AGBL4: variants seen among roughly 807,000 people sequenced by gnomAD.
AGBL4 encodes cytosolic carboxypeptidase 6.
A neutral mutation model predicts 66.4 loss-of-function variants in AGBL4; 58 were observed. The ratio of observed to expected loss-of-function variants is 0.87; its 90% CI spans 0.71 to 1.09. AGBL4 has a LOEUF of 1.09. AGBL4 is among the 50% of genes least tolerant of loss of function. AGBL4 has a pLI of 0.00. For missense variants in AGBL4, 579 were observed against 631.0 expected (o/e 0.92, Z 0.88); for synonymous variants, 234 against 222.9 (o/e 1.05, Z -0.44).
chr1:49,752,456 C>A (rs997319765), intron 2 of AGBL4, among the ~76,000 whole-genome samples: 2 of 151,690 alleles, frequency 1.3e-5, no homozygotes, highest in Non-Finnish European at 1.5e-5. Context: ...CTTATGATTT[C>A]TTTTGCATAT....
chr1:49,424,678 T>C (rs1645619149), intron 3 of AGBL4, among the ~76,000 whole-genome samples: 1 of 152,222 alleles, frequency 6.6e-6, no homozygotes, highest in African/African-American at 2.4e-5. Flanking sequence ...TGTATTCTTC[T>C]GTACCTGGTG....
chr1:49,756,774 G>A (rs1287153469), intron 2 of AGBL4, among the ~76,000 whole-genome samples: 1 of 152,186 alleles, frequency 6.6e-6, no homozygotes, highest in Non-Finnish European at 1.5e-5. Flanking sequence ...ATGTGAAGAA[G>A]GATATGTTTG....
chr1:49,935,585 C>G (rs1278785516), intron 1 of AGBL4, among the ~76,000 whole-genome samples: 2 of 152,162 alleles, frequency 1.3e-5, no homozygotes, highest in Admixed American at 6.5e-5. Flanking sequence ...GAGGCACCCC[C>G]CCAGTAGGGG....
chr1:49,798,648 T>C (rs1278643640), intron 2 of AGBL4, among the ~76,000 whole-genome samples: 1 of 152,162 alleles, frequency 6.6e-6, no homozygotes, highest in East Asian at 1.9e-4. Context: ...GTTCCTTTTA[T>C]TTAAGTTCTT....
chr1:49,553,348 C>T (rs986109444), intron 3 of AGBL4, among the ~76,000 whole-genome samples: 1 of 152,168 alleles, frequency 6.6e-6, no homozygotes, highest in Non-Finnish European at 1.5e-5. Flanking sequence ...ATCCTAAACT[C>T]ACAGGAAACC....
At chr1:48,588,173 C>A (rs1247159612) in intron 10 of AGBL4, among the ~76,000 whole-genome samples, 1 of 152,086 alleles carries the variant, frequency 6.6e-6, no homozygotes, top group Non-Finnish European at 1.5e-5. Flanking sequence ...AAATCTGAAT[C>A]CAGAACTAAG....
At chr1:49,947,682 A>G (rs1272994369) in intron 1 of AGBL4, among the ~76,000 whole-genome samples, 1 of 151,518 alleles carries the variant, frequency 6.6e-6, no homozygotes, top group Non-Finnish European at 1.5e-5. Context: ...TAGTACTGGA[A>G]GTCCTACCAG....
chr1:48,602,603 A>G (rs1645089575), intron 9 of AGBL4, among the ~76,000 whole-genome samples: 1 of 152,170 alleles, frequency 6.6e-6, no homozygotes, highest in Non-Finnish European at 1.5e-5. Flanking sequence ...CAGAGTGCAC[A>G]TCACTACTTT....
At chr1:49,269,074 G>A (rs899080291) in intron 3 of AGBL4, 1 of 152,120 alleles carries the variant, frequency 6.6e-6, no homozygotes, top group African/African-American at 2.4e-5. Flanking sequence ...ATCAGCATTT[G>A]ATCAAATCTA....
chr1:49,056,472 A>G (rs1008060828), intron 4 of AGBL4, among the ~76,000 whole-genome samples: 1 of 152,160 alleles, frequency 6.6e-6, no homozygotes, highest in Non-Finnish European at 1.5e-5. Context: ...AATAAACTAT[A>G]TATATAATTG....
At chr1:48,756,098 T>C (rs554374631) in intron 6 of AGBL4, among the ~76,000 whole-genome samples, 1 of 152,344 alleles carries the variant, frequency 6.6e-6, no homozygotes, top group South Asian at 2.1e-4. Context: ...TGTCAGGCAC[T>C]ATGCGGTGTG....
At chr1:49,429,807 C>G (rs1645744894) in intron 3 of AGBL4, among the ~76,000 whole-genome samples, 2 of 151,826 alleles carry the variant, frequency 1.3e-5, no homozygotes, top group African/African-American at 2.4e-5. Context: ...TCTTCACAGG[C>G]TATACTCCTG....
At chr1:48,920,954 T>G (rs949368371) in intron 5 of AGBL4, among the ~76,000 whole-genome samples, 1 of 152,236 alleles carries the variant, frequency 6.6e-6, no homozygotes, top group African/African-American at 2.4e-5. Flanking sequence ...GGCCCTGTAC[T>G]GGGACAAGGG....
intron 1 of AGBL4, among the ~76,000 whole-genome samples, chr1:49,988,647 T>TA (rs1659698050): frequency 6.6e-6 from 1 of 152,232 alleles, no homozygotes; most frequent in African/African-American, 2.4e-5. Context: ...CTAGTTTTAC[T>TA]ATTTAACTTA....
At chr1:49,049,655 G>A (rs746767760) in intron 4 of AGBL4, among the ~76,000 whole-genome samples, 8 of 151,980 alleles carry the variant, frequency 5.3e-5, no homozygotes, top group Non-Finnish European at 1.0e-4. Context: ...TTCTAGTTCA[G>A]TATAAAGTAG....
intron 3 of AGBL4, among the ~76,000 whole-genome samples, chr1:49,383,953 C>T (rs968572640): frequency 2.6e-5 from 4 of 152,024 alleles, no homozygotes; most frequent in Non-Finnish European, 4.4e-5. Context: ...TGTACCACTA[C>T]GCCCAGCTAA....
chr1:49,278,774 C>T (rs1644221328), intron 3 of AGBL4, among the ~76,000 whole-genome samples: 1 of 152,028 alleles, frequency 6.6e-6, no homozygotes, highest in African/African-American at 2.4e-5. Flanking sequence ...AGTCACTCCA[C>T]AACCAGAGGA....
chr1:49,786,685 T>C (rs1313433014), intron 2 of AGBL4, among the ~76,000 whole-genome samples: 2 of 152,166 alleles, frequency 1.3e-5, no homozygotes, highest in Non-Finnish European at 2.9e-5. Flanking sequence ...TTGTCATCTA[T>C]AAATACTGGA....
intron 3 of AGBL4, among the ~76,000 whole-genome samples, chr1:49,442,976 A>T (rs1476655466): frequency 1.3e-5 from 2 of 152,140 alleles, no homozygotes; most frequent in Non-Finnish European, 2.9e-5. Context: ...AGCCACGCTG[A>T]CTTGAGTAAA....
Sources: allele counts gnomAD v4.1 joint callset (sites outside exome capture counted in the v4.1 genomes callset), GRCh38; gene constraint gnomAD v4.1.1; transcripts MANE v1.5; gene names NCBI Gene and HGNC (gene_info 2026-07-23, HGNC 2026-07-21).